ANO2: variants seen among roughly 807,000 people sequenced by gnomAD.
The protein encoded by ANO2 is anoctamin-2.
A neutral mutation model predicts 124.2 loss-of-function variants in ANO2; 101 were observed. The observed-to-expected ratio is 0.81, with a 90% CI of 0.69 to 0.96. The LOEUF (loss-of-function observed/expected upper bound fraction) is 0.96, where lower values mean the gene tolerates loss of function less well. Ranked by LOEUF, ANO2 falls within the 40% of genes least tolerant of loss-of-function variation. The probability of loss-of-function intolerance (pLI) is 0.00; values close to 1 mark genes in which losing one functional copy is unlikely to be tolerated. For missense variants in ANO2, 1,293 were observed against 1,274.5 expected (o/e 1.01, Z -0.22); for synonymous variants, 486 against 482.5 (o/e 1.01, Z -0.09).
At chr12:5,691,930 A>T (rs991569216) in intron 14 of ANO2, among the ~76,000 whole-genome samples, 1 of 151,458 alleles carries the variant, frequency 6.6e-6, no homozygotes, top group Non-Finnish European at 1.5e-5. Context: ...GTAGTTCAAG[A>T]GTGGTGAATA....
At chr12:5,619,716 G>A (rs1232803984) in intron 16 of ANO2, among the ~76,000 whole-genome samples, 1 of 152,210 alleles carries the variant, frequency 6.6e-6, no homozygotes, top group East Asian at 1.9e-4. Context: ...TTCCTGAATT[G>A]CCATGTGGAA....
At chr12:5,940,874 A>C (rs955477160) in intron 1 of ANO2, among the ~76,000 whole-genome samples, 2 of 152,252 alleles carry the variant, frequency 1.3e-5, no homozygotes, top group Non-Finnish European at 2.9e-5. Flanking sequence ...TGGCAAATGG[A>C]TAAACAAAAT....
intron 14 of ANO2, among the ~76,000 whole-genome samples, chr12:5,721,547 C>G (rs1950238312): frequency 6.6e-6 from 1 of 151,592 alleles, no homozygotes; most frequent in Non-Finnish European, 1.5e-5. Flanking sequence ...GCTTTGTCAC[C>G]CAGGTTTCAG....
intron 3 of ANO2, among the ~76,000 whole-genome samples, chr12:5,877,375 T>C (rs1454170518): frequency 6.6e-6 from 1 of 152,202 alleles, no homozygotes; most frequent in Non-Finnish European, 1.5e-5. Flanking sequence ...CACTTTCATT[T>C]TGGACTTCTG....
At chr12:5,650,800 T>A (rs1946881660) in intron 14 of ANO2, among the ~76,000 whole-genome samples, 1 of 152,188 alleles carries the variant, frequency 6.6e-6, no homozygotes, top group Non-Finnish European at 1.5e-5. Flanking sequence ...CCTTGGGAAA[T>A]TCCCAGATCA....
intron 20 of ANO2, among the ~76,000 whole-genome samples, chr12:5,597,798 A>G (rs1291178549): frequency 1.3e-5 from 2 of 152,232 alleles, no homozygotes; most frequent in Non-Finnish European, 2.9e-5. Context: ...AGAATGGCAG[A>G]TGTAGAATGG....
chr12:5,611,492 G>A (rs1006830613), intron 19 of ANO2, among the ~76,000 whole-genome samples: 1 of 152,152 alleles, frequency 6.6e-6, no homozygotes, highest in South Asian at 2.1e-4. Flanking sequence ...GGTGTCCCCT[G>A]CAAGTCCCCC....
intron 3 of ANO2, among the ~76,000 whole-genome samples, chr12:5,920,634 G>A (rs892115241): frequency 3.3e-5 from 5 of 152,140 alleles, no homozygotes; most frequent in African/African-American, 1.2e-4. Context: ...GGGAGGCCGA[G>A]GATGCCAGAT....
At chr12:5,934,270 T>G (rs1252401335) in intron 1 of ANO2, among the ~76,000 whole-genome samples, 1 of 152,152 alleles carries the variant, frequency 6.6e-6, no homozygotes, top group African/African-American at 2.4e-5. Context: ...AGTCCACACT[T>G]TTCTCCACTA....
chr12:5,640,429 G>C (rs1946281865), intron 15 of ANO2, among the ~76,000 whole-genome samples: 1 of 152,154 alleles, frequency 6.6e-6, no homozygotes, highest in Admixed American at 6.5e-5. Flanking sequence ...GAAAACATCA[G>C]AGTGAACAGG....
chr12:5,902,879 AGAGGAGGGGAGGGGAGG>A (rs1940405126), intron 3 of ANO2, among the ~76,000 whole-genome samples: 1 of 6,160 alleles, frequency 1.6e-4, no homozygotes, highest in Admixed American at 2.9e-3. Context: ...AGGGGAGGGG[AGAGGAGGGGAGGGGAGG>A]GGAGGGGAGT....
chr12:5,854,032 C>T lies in ANO2; in HGVS notation c.633+11G>A. 1 of 1,611,530 alleles carries T rather than the reference C, an allele frequency of 6.2e-7. No individual in the cohort carries two copies. Among genetic ancestry groups the T allele is most frequent in the Non-Finnish European group, 8.5e-7 (1 of 1,178,086 alleles). ...CAGGAGGCCCAGAACCCAGGAGAAA[C>T]ATGCTCATACTTTCTTGGTAGGAAC... On this transcript the variant is annotated intron_variant, in intron 4 of 24. Coordinates refer to ENST00000682330, the MANE Select transcript of ANO2 (RefSeq NM_001364791.2).
In ANO2 at chr12:5,769,955, A is replaced by G. The variant is rs1952022156; in HGVS notation, c.1056-18985T>C. Among the ~76,000 whole-genome samples, 2 of 152,330 alleles carry G rather than the reference A, an allele frequency of 1.3e-5. No homozygotes were observed. The highest frequency in any genetic ancestry group is 4.1e-4 in the South Asian group (2 of 4,830). Reference sequence around the variant, plus strand: ...TGGGCACCTATGGGCAATGTACAAAATTCACAAGCCTGTGTGGCAGCCCGA... The same window carrying G: ...TGGGCACCTATGGGCAATGTACAAAGTTCACAAGCCTGTGTGGCAGCCCGA... On this transcript the variant is annotated intron_variant, in intron 10 of 24. Coordinates refer to ENST00000682330, the MANE Select transcript of ANO2 (RefSeq NM_001364791.2). The surrounding 1 kb of genome is among the most constrained non-coding windows in gnomAD (Gnocchi z 4.0).
chr12:5,732,033 C>T (rs545450274), intron 14 of ANO2, among the ~76,000 whole-genome samples: 28 of 152,260 alleles, frequency 1.8e-4, no homozygotes, highest in African/African-American at 6.7e-4. Flanking sequence ...GCTGTGTGAC[C>T]TCTGGCAAAT....
chr12:5,692,352 T>A (rs1462157690), intron 14 of ANO2, among the ~76,000 whole-genome samples: 15 of 152,082 alleles, frequency 9.9e-5, no homozygotes, highest in Admixed American at 9.8e-4. Flanking sequence ...TCAAGGAAGA[T>A]CTATGTTTAA....
intron 14 of ANO2, among the ~76,000 whole-genome samples, chr12:5,694,849 T>C (rs1949104271): frequency 6.6e-6 from 1 of 152,008 alleles, no homozygotes; most frequent in South Asian, 2.1e-4. Context: ...CTGAATTCAG[T>C]GCTGATGATG....
intron 10 of ANO2, among the ~76,000 whole-genome samples, chr12:5,767,740 C>G (rs867869265): frequency 1.3e-5 from 2 of 152,318 alleles, no homozygotes; most frequent in South Asian, 2.1e-4. Context: ...CCTTCCCCCC[C>G]ATCTGCTTTA....
chr12:5,599,209 TGAG>T (rs748886735), intron 20 of ANO2, among the ~76,000 whole-genome samples: 10 of 152,296 alleles, frequency 6.6e-5, no homozygotes, highest in South Asian at 2.1e-4. Context: ...AGTTTATAGA[TGAG>T]GAGAGGAATC....
intron 14 of ANO2, among the ~76,000 whole-genome samples, chr12:5,724,950 GCCC>G (rs1296305053): frequency 6.6e-6 from 1 of 151,938 alleles, no homozygotes; most frequent in Non-Finnish European, 1.5e-5. Flanking sequence ...TTTGCCATTA[GCCC>G]CCCATCTCTA....
Sources: allele counts gnomAD v4.1 joint callset (sites outside exome capture counted in the v4.1 genomes callset), GRCh38; gene constraint gnomAD v4.1.1; non-coding constraint Gnocchi (gnomAD v3.1); transcripts MANE v1.5; gene names NCBI Gene and HGNC (gene_info 2026-07-23, HGNC 2026-07-21).